Variants in ZNF420 observed in about 807,000 individuals in gnomAD.
ZNF420 encodes the protein ATM and p53-associated KZNF protein.
A neutral mutation model predicts 44.7 loss-of-function variants in ZNF420; 31 were observed. The observed-to-expected ratio is 0.69, with a 90% CI of 0.52 to 0.94. The LOEUF (loss-of-function observed/expected upper bound fraction) is 0.94, where lower values mean the gene tolerates loss of function less well. ZNF420 is among the 40% of genes least tolerant of loss of function. ZNF420 has a pLI of 0.00. For missense variants in ZNF420, 681 were observed against 827.9 expected (o/e 0.82, Z 2.18); for synonymous variants, 245 against 267.4 (o/e 0.92, Z 0.82).
intron 1 of ZNF420, among the ~76,000 whole-genome samples, chr19:37,068,663 A>T (rs1968009697): frequency 6.6e-6 from 1 of 152,146 alleles, no homozygotes; most frequent in Admixed American, 6.5e-5. Flanking sequence ...TAAATAAATA[A>T]ATAAAAATAT....
At position 37,089,059 on chromosome 19, in the gene ZNF420, G is replaced by T; in HGVS notation, c.-60G>T. The T allele has an allele frequency of 6.5e-7, 1 of 1,541,040 alleles. No individual in the cohort carries two copies. The highest frequency in any genetic ancestry group is 9.0e-7 in the Non-Finnish European group (1 of 1,113,312). On this transcript the variant is annotated 5_prime_UTR_variant, in exon 3 of 5. Coordinates refer to ENST00000337995, the MANE Select transcript of ZNF420 (RefSeq NM_144689.5). ...CGTAGCTCTGCATTCTCCAGACTCT[G>T]TGCTTTCCTAAGATAGGAACCCAGA... is the stretch of plus-strand genomic sequence containing the variant.
chr19:37,085,149 TAA>T (rs1297774176), intron 2 of ZNF420, among the ~76,000 whole-genome samples: 1 of 152,220 alleles, frequency 6.6e-6, no homozygotes, highest in Non-Finnish European at 1.5e-5. Context: ...CAGAATCTGA[TAA>T]GTGTGTTTCC....
intron 1 of ZNF420, among the ~76,000 whole-genome samples, chr19:37,064,885 G>A (rs1313738216): frequency 6.6e-6 from 1 of 152,180 alleles, no homozygotes; most frequent in African/African-American, 2.4e-5. Flanking sequence ...GGAGTCAAAG[G>A]ATTGAGAAAA....
At chr19:37,057,467 T>G (rs2146434497) in intron 1 of ZNF420, among the ~76,000 whole-genome samples, 1 of 146,668 alleles carries the variant, frequency 6.8e-6, no homozygotes, top group South Asian at 2.1e-4. Flanking sequence ...CTCTTATCTC[T>G]CTGTCTCTCA....
At chr19:37,047,957 C>T (rs1364722889) in intron 1 of ZNF420, among the ~76,000 whole-genome samples, 1 of 152,210 alleles carries the variant, frequency 6.6e-6, no homozygotes, top group East Asian at 1.9e-4. Flanking sequence ...TAGAGCATCA[C>T]TTGCTAGTTA....
intron 1 of ZNF420, among the ~76,000 whole-genome samples, chr19:37,079,386 T>C (rs1472445919): frequency 6.6e-6 from 1 of 152,212 alleles, no homozygotes; most frequent in African/African-American, 2.4e-5. Context: ...GAGGTCTGCC[T>C]ATGGATTGTG....
chr19:37,116,673 G>A (rs368286996), intron 4 of ZNF420, among the ~76,000 whole-genome samples: 3 of 152,306 alleles, frequency 2.0e-5, no homozygotes, highest in African/African-American at 7.2e-5. Context: ...CACTCAGTAA[G>A]TGCAAGGGGT....
intron 2 of ZNF420, among the ~76,000 whole-genome samples, chr19:37,088,646 A>G (rs1008917232): frequency 2.6e-5 from 4 of 152,354 alleles, no homozygotes; most frequent in Non-Finnish European, 5.9e-5. Context: ...ACTTAGTTAC[A>G]TATTGTCATT....
At chr19:37,011,617 T>C (rs2074569719) in intron 1 of ZNF420, among the ~76,000 whole-genome samples, 1 of 152,112 alleles carries the variant, frequency 6.6e-6, no homozygotes, top group Non-Finnish European at 1.5e-5. Flanking sequence ...AAAATGTGGC[T>C]TGGATTCACG....
At chr19:37,071,665 G>A (rs1319823816) in intron 1 of ZNF420, among the ~76,000 whole-genome samples, 1 of 152,112 alleles carries the variant, frequency 6.6e-6, no homozygotes, top group Non-Finnish European at 1.5e-5. Flanking sequence ...GCTGGGCATG[G>A]TGGTGCGCAC....
At chr19:37,068,000 T>TAA (rs1371288062) in intron 1 of ZNF420, among the ~76,000 whole-genome samples, 1 of 151,932 alleles carries the variant, frequency 6.6e-6, no homozygotes, top group Non-Finnish European at 1.5e-5. Context: ...TTAGTGTGTG[T>TAA]GTGTATATAT....
At chr19:37,008,948 G>A (rs1040158036) in intron 1 of ZNF420, among the ~76,000 whole-genome samples, 3 of 152,170 alleles carry the variant, frequency 2.0e-5, no homozygotes, top group Admixed American at 6.5e-5. Flanking sequence ...GATTGGGCAC[G>A]TGTGAAGATC....
intron 1 of ZNF420, among the ~76,000 whole-genome samples, chr19:37,060,001 G>T (rs1372641746): frequency 2.6e-5 from 4 of 152,004 alleles, no homozygotes; most frequent in Non-Finnish European, 5.9e-5. Flanking sequence ...TCCGCCTGTC[G>T]TTGGCGAGCC....
intron 1 of ZNF420, among the ~76,000 whole-genome samples, chr19:37,062,487 TA>T (rs1045219185): frequency 6.6e-6 from 1 of 152,228 alleles, no homozygotes; most frequent in African/African-American, 2.4e-5. Flanking sequence ...GTGCAAACTA[TA>T]TAATGAATTT....
At chr19:37,020,302 C>T (rs1258655066) in intron 1 of ZNF420, among the ~76,000 whole-genome samples, 1 of 151,880 alleles carries the variant, frequency 6.6e-6, no homozygotes, top group Non-Finnish European at 1.5e-5. Flanking sequence ...CTAATGTCAG[C>T]ATGACCATAA....
intron 1 of ZNF420, among the ~76,000 whole-genome samples, chr19:37,072,105 G>T (rs1480062840): frequency 2.0e-5 from 3 of 152,100 alleles, no homozygotes; most frequent in African/African-American, 4.8e-5. Flanking sequence ...AAAACCAACG[G>T]TTTCATTCTA....
At chr19:37,024,448 TTTTG>T (rs201832889) in intron 1 of ZNF420, among the ~76,000 whole-genome samples, 1,995 of 152,088 alleles carry the variant, frequency 0.013, 46 homozygotes, top group African/African-American at 0.045. Flanking sequence ...AAAGGGATTT[TTTTG>T]TTTGTTTGTT....
At chr19:37,022,912 C>T (rs941837381) in intron 1 of ZNF420, among the ~76,000 whole-genome samples, 7 of 152,048 alleles carry the variant, frequency 4.6e-5, no homozygotes, top group Non-Finnish European at 8.8e-5. Context: ...CCGAAGCAAG[C>T]GGATCACAAG....
chr19:37,120,639 G>A (rs1285511791), intron 4 of ZNF420, among the ~76,000 whole-genome samples: 2 of 151,988 alleles, frequency 1.3e-5, no homozygotes, highest in East Asian at 3.9e-4. Flanking sequence ...TTAGGCAGGA[G>A]AAGGAAATAA....
Sources: allele counts gnomAD v4.1 joint callset (sites outside exome capture counted in the v4.1 genomes callset), GRCh38; gene constraint gnomAD v4.1.1; transcripts MANE v1.5; gene names NCBI Gene and HGNC (gene_info 2026-07-23, HGNC 2026-07-21).